RGL1: variants seen among roughly 807,000 people sequenced by gnomAD.
RGL1 encodes ral guanine nucleotide dissociation stimulator like 1.
RGL1 carries 24 observed loss-of-function variants against 95.2 expected under a neutral mutation model. That is an observed-to-expected ratio of 0.25 (90% CI 0.18 to 0.35). The LOEUF is 0.35. Among genes scored for constraint, RGL1 ranks in the 10% least tolerant of loss-of-function variants. RGL1 has a pLI of 1.00. For missense variants in RGL1, 715 were observed against 936.3 expected (o/e 0.76, Z 3.08); for synonymous variants, 329 against 344.9 (o/e 0.95, Z 0.51).
At chr1:183,872,394 A>G (rs534949597) in intron 4 of RGL1, among the ~76,000 whole-genome samples, 1 of 152,274 alleles carries the variant, frequency 6.6e-6, no homozygotes, top group South Asian at 2.1e-4. Context: ...TTTAATGACT[A>G]TTATAAGGTT....
rs1302263638 is a variant in RGL1 at position 183,875,024 on chromosome 1, C to T, written c.426-5592C>T. ...TTACTTCATTGCTTGAAAGGCCCAC[C>T]GTCTGCGTAAATCTTCTTACCTTTT... On this transcript the variant is annotated intron_variant, in intron 4 of 17. Transcript: ENST00000360851. 2.6e-5 allele frequency among the ~76,000 whole-genome samples: 4 copies of T among 152,174 alleles called. No homozygotes were observed. The South Asian group carries it at 6.2e-4, about 24-fold the overall frequency.
intron 7 of RGL1, among the ~76,000 whole-genome samples, chr1:183,886,651 T>A (rs1488568591): frequency 8.6e-5 from 13 of 151,814 alleles, no homozygotes; most frequent in Non-Finnish European, 1.9e-4. Context: ...GGCTCTTACT[T>A]TTTTTTTGGT....
intron 2 of RGL1, among the ~76,000 whole-genome samples, chr1:183,778,890 TG>T (rs1240545777): frequency 6.6e-6 from 1 of 152,192 alleles, no homozygotes; most frequent in Non-Finnish European, 1.5e-5. Context: ...TGAAGACAAA[TG>T]GGCCGTGATA....
intron 1 of RGL1, among the ~76,000 whole-genome samples, chr1:183,644,793 T>C (rs1386105171): frequency 6.6e-6 from 1 of 152,154 alleles, no homozygotes; most frequent in Admixed American, 6.6e-5. Flanking sequence ...TTTAAAGAAA[T>C]AGGATTTGCT....
rs565577202 is a variant in RGL1, at chr1:183,675,764, T to G, written c.-33+39263T>G. 2.6e-5 allele frequency among the ~76,000 whole-genome samples: 4 copies of G among 152,292 alleles called. 1 individual carries two copies. The South Asian group carries it at 6.2e-4, about 24-fold the overall frequency. On this transcript the variant is annotated intron_variant, in intron 1 of 18. Transcript: ENST00000304685. ...ATCCTCTGCTCTTTAGTTTCTTTTT[T>G]GGGGACCATAAAGAGCAGTATTTTT...
In RGL1 at chr1:183,716,590, G is replaced by A. The variant is rs79106325; in HGVS notation, c.-32-25536G>A. Among the ~76,000 whole-genome samples, 439 of 152,296 alleles carry A rather than the reference G, an allele frequency of 2.9e-3. 4 individuals carry two copies. Among genetic ancestry groups the A allele is most frequent in the African/African-American group, 0.01 (422 of 41,558 alleles). Reference sequence around the variant, plus strand: ...CTTTTCTGTCACATTCTTTTGCATGGAACTCAGTCACATGGCTGCACCTAA... The same window carrying A: ...CTTTTCTGTCACATTCTTTTGCATGAAACTCAGTCACATGGCTGCACCTAA... On this transcript the variant is annotated intron_variant, in intron 1 of 18. Coordinates refer to the RGL1 transcript ENST00000304685.
chr1:183,809,701 T>C (rs1407235261), intron 2 of RGL1, among the ~76,000 whole-genome samples: 2 of 152,202 alleles, frequency 1.3e-5, no homozygotes, highest in African/African-American at 4.8e-5. Flanking sequence ...TCCCAGCACT[T>C]TGAGAGGCCA....
At chr1:183,913,393 A>G (rs1347889997) in intron 15 of RGL1, among the ~76,000 whole-genome samples, 1 of 151,844 alleles carries the variant, frequency 6.6e-6, no homozygotes. Context: ...ATGGAGTTTC[A>G]CCATGTTGGC....
At chr1:183,820,536 G>T (rs1662403491) in intron 2 of RGL1, among the ~76,000 whole-genome samples, 1 of 152,148 alleles carries the variant, frequency 6.6e-6, no homozygotes, top group South Asian at 2.1e-4. Flanking sequence ...TTCAGCTGGA[G>T]TGGATGGTGC....
At chr1:183,777,288 T>G (rs1659654086) in intron 2 of RGL1, among the ~76,000 whole-genome samples, 1 of 152,244 alleles carries the variant, frequency 6.6e-6, no homozygotes, top group Non-Finnish European at 1.5e-5. Flanking sequence ...GGATTATGTT[T>G]GTGTCCCGGA....
At chr1:183,787,178 C>T (rs77760621) in intron 2 of RGL1, among the ~76,000 whole-genome samples, 5 of 152,162 alleles carry the variant, frequency 3.3e-5, no homozygotes, top group African/African-American at 7.2e-5. Flanking sequence ...TCCCAGTGCC[C>T]GGTCTGTGAT....
intron 17 of RGL1, 52 bp from the exon 18 acceptor site, chr1:183,926,053 A>G: frequency 1.3e-6 from 2 of 1,524,852 alleles, no homozygotes; most frequent in Non-Finnish European, 1.8e-6. Flanking sequence ...CGTTGTCAGT[A>G]CTGAGCTGAC....
At chr1:183,704,869 G>A (rs561395880) in intron 1 of RGL1, among the ~76,000 whole-genome samples, 5 of 152,336 alleles carry the variant, frequency 3.3e-5, no homozygotes, top group South Asian at 2.1e-4. Context: ...AGCAGCTGCC[G>A]CCAATGCTTG....
At chr1:183,648,764 C>T in intron 1 of RGL1, 1 of 1,603,776 alleles carries the variant, frequency 6.2e-7, no homozygotes, top group Non-Finnish European at 8.5e-7. Context: ...CTAGGTACTC[C>T]TCATATATGG....
intron 2 of RGL1, among the ~76,000 whole-genome samples, chr1:183,761,063 C>T (rs1658641556): frequency 1.3e-5 from 2 of 152,204 alleles, no homozygotes; most frequent in African/African-American, 4.8e-5. Context: ...TTGCACCCCT[C>T]AAAGTCATTC....
chr1:183,835,000 G>C (rs996031254), intron 2 of RGL1, among the ~76,000 whole-genome samples: 3 of 152,118 alleles, frequency 2.0e-5, no homozygotes, highest in Admixed American at 1.3e-4. Context: ...TTTTAATACT[G>C]TTTTAATGAC....
chr1:183,645,211 C>A (rs1650200904), intron 1 of RGL1, among the ~76,000 whole-genome samples: 1 of 150,990 alleles, frequency 6.6e-6, no homozygotes, highest in African/African-American at 2.5e-5. Context: ...CTTGCATATC[C>A]AGTTATAAGT....
chr1:183,805,454 C>A, intron 1 of RGL1, 130 bp downstream of exon 1: 1 of 798,460 alleles, frequency 1.3e-6, no homozygotes, highest in South Asian at 1.5e-5. Flanking sequence ...AGCTAAAGCT[C>A]TCTCACTCCG....
At chr1:183,727,366 C>T (rs187999068) in intron 1 of RGL1, among the ~76,000 whole-genome samples, 164 of 152,212 alleles carry the variant, frequency 1.1e-3, no homozygotes, top group African/African-American at 3.9e-3. Context: ...TAGAAAGGAA[C>T]CTCCTCAATC....
Sources: allele counts gnomAD v4.1 joint callset (sites outside exome capture counted in the v4.1 genomes callset), GRCh38; gene constraint gnomAD v4.1.1; transcripts MANE v1.5; gene names NCBI Gene and HGNC (gene_info 2026-07-23, HGNC 2026-07-21).